Variants in API5 observed in about 807,000 individuals in gnomAD.
API5 encodes the protein apoptosis inhibitor 5, also known as FIF.
In API5, 6 loss-of-function variants were observed where a neutral mutation model predicts 71.9. The ratio of observed to expected loss-of-function variants is 0.08; its 90% confidence interval spans 0.05 to 0.16. The LOEUF is 0.16. Among genes scored for constraint, API5 ranks in the 10% least tolerant of loss-of-function variants. The pLI, the probability that API5 is intolerant of heterozygous loss-of-function variation, is 1.00. For synonymous variants in API5, 189 were observed against 221.3 expected, an observed-to-expected ratio of 0.85 and a Z score of 1.30; for missense variants, 332 against 612.8, an observed-to-expected ratio of 0.54 and a Z score of 4.84.
rs181858523 is a variant in API5, at chr11:43,313,997, G to A, written c.69+1801G>A. 6.3e-3 allele frequency among the ~76,000 whole-genome samples: 955 copies of A among 152,134 alleles called. 8 individuals are homozygous for A. The highest frequency in any genetic ancestry group is 0.021 in the African/African-American group (877 of 41,486). ...CCAGCTATTTGGGAGGCTGAGGCAGGACAATTGCTTGAACCCGGAGGGTGG... is the reference window on the plus strand; with the variant it reads ...CCAGCTATTTGGGAGGCTGAGGCAGAACAATTGCTTGAACCCGGAGGGTGG... On this transcript the variant is annotated intron_variant, in intron 1 of 13. Transcript: ENST00000531273.
Position 43,318,664 on chromosome 11 carries a change from T to G in API5, c.94T>G (p.Leu32Val). ...GQHKDAYQVI[L>V]DGVKGGTKEK... ...GCATAAAGATGCCTATCAAGTGATA[T>G]TGGATGGTGTGAAAGGTGGTACTAA... The change falls in exon 2 of 14, where the codon TTG becomes GTG. Residue 32 changes from leucine (L) to valine (V), a missense_variant. Physicochemically the swap from Leu to Val is conservative, Grantham distance 32. Coordinates refer to ENST00000531273, the MANE Select transcript of API5 (RefSeq NM_001142930.2). 1 of 1,613,412 alleles carries G rather than the reference T, an allele frequency of 6.2e-7. No homozygotes were observed. Among genetic ancestry groups the G allele is most frequent in the Non-Finnish European group, 8.5e-7 (1 of 1,179,990 alleles).
At chr11:43,312,755 A>T (rs1020501130) in intron 1 of API5, among the ~76,000 whole-genome samples, 4 of 152,136 alleles carry the variant, frequency 2.6e-5, no homozygotes, top group African/African-American at 9.7e-5. Context: ...CTGGAGATAC[A>T]GATGGAAAGG....
rs775742552 is a variant in API5, at chr11:43,322,064, A to G, written c.471A>G (p.Thr157=). 2 of 1,613,742 alleles carry G rather than the reference A, an allele frequency of 1.2e-6. No individual in the cohort carries two copies. Among genetic ancestry groups the G allele is most frequent in the Admixed American group, 3.3e-5 (2 of 60,010 alleles). The change falls in exon 5 of 14, where the codon ACA becomes ACG. Residue 157 remains threonine, a synonymous_variant. Coordinates refer to ENST00000531273, the MANE Select transcript of API5 (RefSeq NM_001142930.2). Reference sequence around the variant, plus strand: ...AACGAGCAATTAAATTCCTTTCTACAAAACTTAAGACTTTACCAGATGAAG... The same window carrying G: ...AACGAGCAATTAAATTCCTTTCTACGAAACTTAAGACTTTACCAGATGAAG... The part of the protein sequence containing the change: ...VRERAIKFLS[T]KLKTLPDEVL...
chr11:43,321,027 A>G (rs1243201284), intron 3 of API5, 113 bp downstream of exon 3: 2 of 778,068 alleles, frequency 2.6e-6, no homozygotes, highest in Non-Finnish European at 4.2e-6. Context: ...CCTACCTCTG[A>G]TAGAGATTAA....
chr11:43,322,139 G>A lies in API5; in HGVS notation c.543+3G>A, dbSNP rs1395905737. On this transcript the variant is annotated splice_donor_region_variant and intron_variant, in intron 5 of 13. Transcript: ENST00000531273. ...TTATACTAACTGAATCCAAAAAGGT[G>A]AGCTTTGGTCTTCATTTGGTGGAAA... The A allele has an allele frequency of 5.6e-6, 9 of 1,593,124 alleles. No individual in the cohort carries two copies. Among genetic ancestry groups the A allele is most frequent in the Non-Finnish European group, 7.7e-6 (9 of 1,172,126 alleles).
chr11:43,322,525 C>T (rs1456788657), intron 5 of API5, among the ~76,000 whole-genome samples: 1 of 152,144 alleles, frequency 6.6e-6, no homozygotes, highest in African/African-American at 2.4e-5. Context: ...CCTGTTGTCA[C>T]CTTAGCCCTT....
At chr11:43,313,194 A>C (rs1392360308) in intron 1 of API5, among the ~76,000 whole-genome samples, 87 of 151,786 alleles carry the variant, frequency 5.7e-4, no homozygotes, top group Admixed American at 5.6e-3. Context: ...GGCGAAGGAG[A>C]GTGTGAGTGC....
intron 9 of API5, chr11:43,329,394 C>T (rs948482681): frequency 1.3e-5 from 2 of 155,132 alleles, no homozygotes; most frequent in African/African-American, 4.8e-5. Flanking sequence ...ACAGAAATGA[C>T]TTAACAAATC....
intron 1 of API5, among the ~76,000 whole-genome samples, chr11:43,317,878 T>C (rs1854725972): frequency 6.6e-6 from 1 of 152,128 alleles, no homozygotes; most frequent in Non-Finnish European, 1.5e-5. Flanking sequence ...AGTTTCACCA[T>C]GTTGGGCAGG....
rs1854507886 is a variant in API5 at position 43,312,416 on chromosome 11, CCCTTGCCCA to C, written c.69+221_69+229del. Among the ~76,000 whole-genome samples the C allele has an allele frequency of 3.3e-5, 5 of 152,290 alleles. No individual in the cohort carries two copies. The South Asian group carries it at 1.0e-3, about 32-fold the overall frequency. On this transcript the variant is annotated intron_variant, in intron 1 of 13. Transcript: ENST00000531273. ...CCCAGGGTTCCAGGCTTCCTTGCCT[CCCTTGCCCA>C]GCCTTTTCTCACCGTGGCGTAACCT...
At chr11:43,339,632 AAC>A (rs1192401273) in intron 13 of API5, among the ~76,000 whole-genome samples, 4 of 152,200 alleles carry the variant, frequency 2.6e-5, no homozygotes, top group African/African-American at 9.7e-5. Flanking sequence ...CAGTAGCTGA[AAC>A]ACACTCAGAC....
At chr11:43,319,042 A>C (rs1854775184) in intron 2 of API5, 1 of 420,298 alleles carries the variant, frequency 2.4e-6, no homozygotes, top group Admixed American at 4.1e-5. Context: ...TCATTTATCC[A>C]CTGTTAAAAA....
intron 13 of API5, among the ~76,000 whole-genome samples, chr11:43,340,932 C>G (rs1855589280): frequency 6.6e-6 from 1 of 151,962 alleles, no homozygotes; most frequent in Non-Finnish European, 1.5e-5. Context: ...AACATGGGAT[C>G]ATATCAAATT....
chr11:43,318,001 G>GTTTGT (rs1450417624), intron 1 of API5, among the ~76,000 whole-genome samples: 2 of 150,790 alleles, frequency 1.3e-5, no homozygotes, highest in Middle Eastern at 3.5e-3. Context: ...TTGTTTGTTT[G>GTTTGT]TTTGTTTTGT....
intron 9 of API5, 77 bp downstream of exon 9, chr11:43,328,970 T>C (rs1204190061): frequency 2.1e-6 from 3 of 1,462,152 alleles, no homozygotes; most frequent in Non-Finnish European, 2.8e-6. Context: ...TTGCTTTTGT[T>C]CTATGAGAGC....
chr11:43,314,970 G>C (rs1288196748), intron 1 of API5, among the ~76,000 whole-genome samples: 1 of 152,192 alleles, frequency 6.6e-6, no homozygotes, highest in African/African-American at 2.4e-5. Flanking sequence ...AGCAAAGCCT[G>C]ATTTTCATGT....
intron 5 of API5, among the ~76,000 whole-genome samples, 175 bp downstream of exon 5, chr11:43,322,311 G>A (rs1854922744): frequency 6.6e-6 from 1 of 151,988 alleles, no homozygotes; most frequent in Admixed American, 6.6e-5. Context: ...CACTTTTGTC[G>A]GTGGTAATGA....
intron 13 of API5, among the ~76,000 whole-genome samples, chr11:43,336,399 C>T (rs897820034): frequency 1.3e-5 from 2 of 152,212 alleles, no homozygotes; most frequent in Admixed American, 6.5e-5. Context: ...ACATAGTCAG[C>T]CTGCTGCCTA....
In API5 at chr11:43,320,746, GAAAGA is replaced by G. The variant is rs1565102272; in HGVS notation, c.232-66_232-62del. 3 of 1,131,164 alleles carry G rather than the reference GAAAGA, an allele frequency of 2.7e-6. No homozygotes were observed. In the African/African-American group the frequency reaches 5.0e-5, roughly 19 times the overall value. The allele number at this position is 1,131,164 out of a possible 1,614,324, so 70.1% of individuals were successfully genotyped here. A position where few individuals can be genotyped will look rare whatever the true frequency, so the allele number is the denominator to read the frequency against. The stretch of plus-strand genomic sequence containing the variant: ...ACCTTGTCTTTAAAAAAAAAAAAAA[GAAAGA>G]AAAGAAAAAGCTGTTTGTTATTTTA... On this transcript the variant is annotated intron_variant, in intron 2 of 13. Transcript: ENST00000531273.
Sources: allele counts gnomAD v4.1 joint callset (sites outside exome capture counted in the v4.1 genomes callset), GRCh38; gene constraint gnomAD v4.1.1; transcripts MANE v1.5; gene names NCBI Gene and HGNC (gene_info 2026-07-23, HGNC 2026-07-21).